The following NRG3 variants were observed in gnomAD, a reference collection of about 807,000 sequenced individuals.
NRG3 encodes the protein neuregulin 3, also known as pro-neuregulin-3, membrane-bound isoform.
NRG3 carries 31 observed loss-of-function variants against 66.9 expected under a neutral mutation model. The observed-to-expected ratio is 0.46, with a 90% CI of 0.35 to 0.63. The LOEUF (loss-of-function observed/expected upper bound fraction) is 0.63, where lower values mean the gene tolerates loss of function less well. NRG3 is among the 20% of genes least tolerant of loss of function. The pLI is 0.00. For missense variants in NRG3, 910 were observed against 878.9 expected (o/e 1.04, Z -0.45); for synonymous variants, 393 against 359.4 (o/e 1.09, Z -1.06).
intron 5 of NRG3, among the ~76,000 whole-genome samples, chr10:82,954,326 G>A (rs1366982217): frequency 6.6e-6 from 1 of 151,876 alleles, no homozygotes; most frequent in African/African-American, 2.4e-5. Flanking sequence ...GGATTACCAG[G>A]GGACTTCCAT....
chr10:82,184,458 C>T (rs1452019002), intron 1 of NRG3, among the ~76,000 whole-genome samples: 1 of 152,066 alleles, frequency 6.6e-6, no homozygotes, highest in African/African-American at 2.4e-5. Flanking sequence ...GCAATATCTG[C>T]CCTGATAGAG....
chr10:82,833,816 T>C (rs1212538378), intron 3 of NRG3, among the ~76,000 whole-genome samples: 1 of 152,176 alleles, frequency 6.6e-6, no homozygotes. Flanking sequence ...AATTAAATTA[T>C]CTGGAAAGAG....
intron 1 of NRG3, among the ~76,000 whole-genome samples, chr10:81,917,822 T>C (rs1845853115): frequency 1.3e-5 from 2 of 152,288 alleles, no homozygotes; most frequent in Admixed American, 6.5e-5. Flanking sequence ...ACTGAGAGCA[T>C]TGGGCACTGC....
chr10:82,271,313 A>T (rs974336824), intron 1 of NRG3, among the ~76,000 whole-genome samples: 11 of 152,062 alleles, frequency 7.2e-5, no homozygotes, highest in Non-Finnish European at 1.2e-4. Context: ...GAGCTATGTA[A>T]TTGGGCAGGT....
chr10:82,823,843 T>A (rs143240819), intron 3 of NRG3, among the ~76,000 whole-genome samples: 117 of 152,312 alleles, frequency 7.7e-4, no homozygotes, highest in Non-Finnish European at 1.5e-3. Context: ...AATTGACGTA[T>A]AATTCACGCA....
chr10:82,422,107 G>A (rs1266173750), intron 2 of NRG3, among the ~76,000 whole-genome samples: 1 of 152,022 alleles, frequency 6.6e-6, no homozygotes, highest in Non-Finnish European at 1.5e-5. Flanking sequence ...TCCATTGATT[G>A]TGCAGATTTC....
intron 3 of NRG3, among the ~76,000 whole-genome samples, chr10:82,799,243 C>G (rs1265435504): frequency 3.3e-5 from 5 of 152,018 alleles, no homozygotes; most frequent in Admixed American, 3.3e-4. Context: ...AGATTTTACC[C>G]TAGGCTGGGT....
At chr10:82,291,212 A>T (rs530904676) in intron 1 of NRG3, among the ~76,000 whole-genome samples, 1 of 152,304 alleles carries the variant, frequency 6.6e-6, no homozygotes, top group South Asian at 2.1e-4. Context: ...GAAAATGAAC[A>T]GGGAAACAAA....
At chr10:82,545,743 A>G (rs975625079) in intron 2 of NRG3, among the ~76,000 whole-genome samples, 1 of 150,516 alleles carries the variant, frequency 6.6e-6, no homozygotes, top group African/African-American at 2.4e-5. Flanking sequence ...TTGCAGCATA[A>G]CAGACGTATT....
chr10:82,568,931 C>T (rs2045572834), intron 2 of NRG3, among the ~76,000 whole-genome samples: 1 of 151,716 alleles, frequency 6.6e-6, no homozygotes, highest in African/African-American at 2.4e-5. Context: ...CTCTGATGTC[C>T]CTTTACCATT....
chr10:82,278,758 T>A (rs2078981145), intron 1 of NRG3, among the ~76,000 whole-genome samples: 2 of 152,176 alleles, frequency 1.3e-5, no homozygotes, highest in Admixed American at 6.5e-5. Context: ...TGGCTCTGTA[T>A]TCTATACATG....
chr10:82,923,441 A>G (rs1187511167), intron 4 of NRG3, among the ~76,000 whole-genome samples: 2 of 152,214 alleles, frequency 1.3e-5, no homozygotes, highest in African/African-American at 2.4e-5. Flanking sequence ...TGCACTCAGT[A>G]CATTGTCTCC....
intron 1 of NRG3, among the ~76,000 whole-genome samples, chr10:82,117,506 G>A (rs2067804127): frequency 6.6e-6 from 1 of 152,056 alleles, no homozygotes; most frequent in South Asian, 2.1e-4. Flanking sequence ...CTTGAATGAT[G>A]AGGAGAGAAT....
chr10:82,026,590 T>A (rs2062318989), intron 1 of NRG3, among the ~76,000 whole-genome samples: 1 of 152,042 alleles, frequency 6.6e-6, no homozygotes, highest in South Asian at 2.1e-4. Context: ...ATGCTCCAAT[T>A]TATATATTAC....
intron 8 of NRG3, among the ~76,000 whole-genome samples, chr10:82,982,720 G>T (rs949415817): frequency 1.5e-4 from 23 of 152,144 alleles, no homozygotes; most frequent in African/African-American, 1.2e-4. Context: ...GCTGCCATTT[G>T]TCTGAGATTC....
intron 2 of NRG3, among the ~76,000 whole-genome samples, chr10:82,563,893 T>C (rs953344221): frequency 1.3e-5 from 2 of 152,134 alleles, no homozygotes; most frequent in African/African-American, 4.8e-5. Flanking sequence ...ATTTAATAAC[T>C]GAAGTGTTAT....
intron 4 of NRG3, among the ~76,000 whole-genome samples, chr10:82,899,183 A>G (rs924117531): frequency 1.3e-5 from 2 of 152,162 alleles, no homozygotes; most frequent in Non-Finnish European, 1.5e-5. Context: ...TCTTCTGCAC[A>G]TAAGGGACAC....
intron 1 of NRG3, among the ~76,000 whole-genome samples, chr10:81,978,692 CAT>C (rs149096399): frequency 0.01 from 1,531 of 151,164 alleles, 7 homozygotes; most frequent in Non-Finnish European, 0.016. Context: ...CTCTTAATAT[CAT>C]ATATATATAT....
intron 1 of NRG3, among the ~76,000 whole-genome samples, chr10:81,994,691 T>C (rs1290296067): frequency 6.6e-6 from 1 of 152,150 alleles, no homozygotes; most frequent in Non-Finnish European, 1.5e-5. Flanking sequence ...TTTCTTTTTC[T>C]CAAAAGAGTG....
Sources: allele counts gnomAD v4.1 joint callset (sites outside exome capture counted in the v4.1 genomes callset), GRCh38; gene constraint gnomAD v4.1.1; transcripts MANE v1.5; gene names NCBI Gene and HGNC (gene_info 2026-07-23, HGNC 2026-07-21).